The following RYR2 variants were observed in gnomAD, a reference collection of about 807,000 sequenced individuals.
RYR2 encodes cardiac muscle ryanodine receptor-calcium release channel.
RYR2 carries 227 observed loss-of-function variants against 601.1 expected under a neutral mutation model. The ratio of observed to expected loss-of-function variants is 0.38; its 90% confidence interval spans 0.34 to 0.42. RYR2 has a LOEUF of 0.42. Ranked by LOEUF, RYR2 falls within the 10% of genes least tolerant of loss-of-function variation. RYR2 has a pLI of 1.00. For synonymous variants in RYR2, 2,223 were observed against 2,175.1 expected, an observed-to-expected ratio of 1.02 and a Z score of -0.61; for missense variants, 4,646 against 6,156.5, an observed-to-expected ratio of 0.75 and a Z score of 8.21.
At chr1:237,697,475 T>C (rs1687590614) in intron 63 of RYR2, among the ~76,000 whole-genome samples, 1 of 144,322 alleles carries the variant, frequency 6.9e-6, no homozygotes, top group Admixed American at 7.1e-5. Flanking sequence ...ATATATAATA[T>C]ATTTATAGAA....
intron 1 of RYR2, among the ~76,000 whole-genome samples, chr1:237,172,472 C>G (rs565726440): frequency 6.6e-6 from 1 of 151,322 alleles, no homozygotes; most frequent in Admixed American, 6.6e-5. Context: ...TTAAAAACGG[C>G]TATTTTTGAT....
intron 3 of RYR2, chr1:237,352,980 AT>A: frequency 2.4e-6 from 1 of 415,862 alleles, no homozygotes; most frequent in South Asian, 1.7e-5. Flanking sequence ...TTTCTAGAAA[AT>A]TTAGTAGCTT....
intron 14 of RYR2, among the ~76,000 whole-genome samples, chr1:237,447,773 G>GTCTCTCCCTCC (rs1657554086): frequency 6.6e-6 from 1 of 150,448 alleles, no homozygotes; most frequent in African/African-American, 2.5e-5. Flanking sequence ...CTTTCCGTCT[G>GTCTCTCCCTCC]TCTCTCTCTC....
chr1:237,228,597 C>A (rs1684648853), intron 1 of RYR2, among the ~76,000 whole-genome samples: 1 of 152,168 alleles, frequency 6.6e-6, no homozygotes, highest in Non-Finnish European at 1.5e-5. Context: ...ATTTGCTGTA[C>A]ATGTGATAAA....
intron 1 of RYR2, among the ~76,000 whole-genome samples, chr1:237,155,179 C>CTTTTTTT (rs11412062): frequency 1.8e-4 from 23 of 127,604 alleles, no homozygotes; most frequent in Non-Finnish European, 2.8e-4. Flanking sequence ...TTTTTCTTTT[C>CTTTTTTT]TTTTTTTTTT....
intron 16 of RYR2, among the ~76,000 whole-genome samples, chr1:237,458,455 C>A (rs568104501): frequency 6.6e-6 from 1 of 152,136 alleles, no homozygotes; most frequent in Admixed American, 6.6e-5. Flanking sequence ...TAAAGTTATT[C>A]TTGATGTTTC....
chr1:237,351,455 A>G (rs1220980335), intron 3 of RYR2, among the ~76,000 whole-genome samples: 2 of 152,046 alleles, frequency 1.3e-5, no homozygotes, highest in East Asian at 1.9e-4. Context: ...GAAAGACTGA[A>G]TACGAAAAAG....
intron 16 of RYR2, among the ~76,000 whole-genome samples, chr1:237,465,072 G>A (rs954256915): frequency 5.9e-5 from 8 of 135,446 alleles, no homozygotes; most frequent in African/African-American, 1.9e-4. Flanking sequence ...CATGACATGC[G>A]CCTACATACA....
At chr1:237,594,886 GTTTTTTTTTTTTTT>G (rs776702428) in intron 33 of RYR2, among the ~76,000 whole-genome samples, 23 of 60,412 alleles carry the variant, frequency 3.8e-4, no homozygotes, top group East Asian at 1.8e-3. Context: ...ATATCACTGG[GTTTTTTTTTTTTTT>G]TTTTTTTTTT....
chr1:237,099,961 G>A (rs1159662127), intron 1 of RYR2, among the ~76,000 whole-genome samples: 1 of 152,212 alleles, frequency 6.6e-6, no homozygotes, highest in African/African-American at 2.4e-5. Context: ...GAGGGGCTCT[G>A]CAGCCGTGCC....
chr1:237,336,428 T>G (rs886567621), intron 3 of RYR2, among the ~76,000 whole-genome samples: 2 of 152,226 alleles, frequency 1.3e-5, no homozygotes, highest in African/African-American at 4.8e-5. Context: ...GTAATGATGT[T>G]TCCTCTTTCT....
intron 70 of RYR2, among the ~76,000 whole-genome samples, chr1:237,710,592 A>C (rs1688747064): frequency 6.6e-6 from 1 of 152,162 alleles, no homozygotes; most frequent in Non-Finnish European, 1.5e-5. Flanking sequence ...CAAAGATACA[A>C]ATTTATTTAT....
intron 48 of RYR2, among the ~76,000 whole-genome samples, chr1:237,647,802 C>T (rs1682328684): frequency 6.6e-6 from 1 of 152,200 alleles, no homozygotes. Flanking sequence ...CCCATGATTT[C>T]TCATATCAGC....
rs180957438 is a variant in RYR2, at chr1:237,084,548, G to A, written c.48+41979G>A. 3.7e-4 allele frequency among the ~76,000 whole-genome samples: 56 copies of A among 152,188 alleles called. 1 individual carries two copies. The highest frequency in any genetic ancestry group is 2.9e-3 in the Admixed American group (44 of 15,282). On this transcript the variant is annotated intron_variant, in intron 1 of 104. Coordinates refer to ENST00000366574, the MANE Select transcript of RYR2 (RefSeq NM_001035.3). ...GCTTTAATTCACAAGCAGAGCAAGC[G>A]TTTTGGGTAACAGATGGAAAGGCGG...
intron 65 of RYR2, among the ~76,000 whole-genome samples, chr1:237,701,341 G>A (rs1687951713): frequency 6.6e-6 from 1 of 152,132 alleles, no homozygotes; most frequent in Non-Finnish European, 1.5e-5. Context: ...GACCAGCCTG[G>A]CCAGTATGGT....
chr1:237,149,925 G>C (rs1048531446), intron 1 of RYR2, among the ~76,000 whole-genome samples: 2 of 152,088 alleles, frequency 1.3e-5, no homozygotes, highest in East Asian at 3.9e-4. Context: ...TTTTCCACCC[G>C]AGATAGCTCA....
chr1:237,734,035 C>T (rs914709686), intron 79 of RYR2, among the ~76,000 whole-genome samples: 6 of 152,186 alleles, frequency 3.9e-5, no homozygotes, highest in Admixed American at 6.6e-5. Flanking sequence ...AGGGCACACA[C>T]TACACCTTTG....
intron 27 of RYR2, chr1:237,555,007 A>G (rs545514703): frequency 6.6e-6 from 1 of 152,096 alleles, no homozygotes; most frequent in Non-Finnish European, 1.5e-5. Context: ...GTGGATTATT[A>G]TGAGTGATCT....
chr1:237,506,492 C>A (rs547389695), intron 22 of RYR2, among the ~76,000 whole-genome samples: 2 of 150,924 alleles, frequency 1.3e-5, no homozygotes, highest in African/African-American at 2.4e-5. Flanking sequence ...GAGCAGAGAT[C>A]GCGCCACTGC....
Sources: allele counts gnomAD v4.1 joint callset (sites outside exome capture counted in the v4.1 genomes callset), GRCh38; gene constraint gnomAD v4.1.1; transcripts MANE v1.5; gene names NCBI Gene and HGNC (gene_info 2026-07-23, HGNC 2026-07-21).